SETD3: variants seen among roughly 807,000 people sequenced by gnomAD.
SETD3 encodes the protein SET domain containing 3, actin N3(tau)-histidine methyltransferase.
In SETD3, 19 loss-of-function variants were observed where a neutral mutation model predicts 63.0. The ratio of observed to expected loss-of-function variants is 0.30; its 90% CI spans 0.21 to 0.44. SETD3 has a LOEUF of 0.44. Among genes scored for constraint, SETD3 ranks in the 20% least tolerant of loss-of-function variants. The pLI is 1.00. For synonymous variants in SETD3, 286 were observed against 264.1 expected (o/e 1.08, Z -0.80); for missense variants, 587 against 728.5 (o/e 0.81, Z 2.24).
intron 11 of SETD3, among the ~76,000 whole-genome samples, chr14:99,403,902 C>T (rs371629278): frequency 7.2e-5 from 11 of 152,234 alleles, no homozygotes; most frequent in East Asian, 1.9e-4. Flanking sequence ...ACTAGTGCCC[C>T]GTGAGTGAAA....
intron 6 of SETD3, among the ~76,000 whole-genome samples, chr14:99,421,750 A>G (rs891753537): frequency 6.6e-6 from 1 of 152,162 alleles, no homozygotes; most frequent in Non-Finnish European, 1.5e-5. Flanking sequence ...ACAGATGAGG[A>G]AACTGAGGGA....
chr14:99,434,740 G>A (rs1312535637), intron 6 of SETD3, among the ~76,000 whole-genome samples: 4 of 150,876 alleles, frequency 2.7e-5, no homozygotes, highest in Admixed American at 1.3e-4. Flanking sequence ...CCAGCTACTC[G>A]GGAGGCTAAG....
chr14:99,455,585 G>C (rs1239530455), intron 6 of SETD3, among the ~76,000 whole-genome samples: 1 of 152,178 alleles, frequency 6.6e-6, no homozygotes, highest in Non-Finnish European at 1.5e-5. Context: ...ATCAGCTAAC[G>C]AGAAGACATT....
intron 6 of SETD3, among the ~76,000 whole-genome samples, chr14:99,419,603 G>A (rs986112451): frequency 4.6e-5 from 7 of 151,738 alleles, no homozygotes; most frequent in African/African-American, 9.7e-5. Flanking sequence ...GTGAAACCCC[G>A]TCTCTACTAA....
At chr14:99,449,221 A>T (rs1894312616) in intron 6 of SETD3, among the ~76,000 whole-genome samples, 1 of 152,236 alleles carries the variant, frequency 6.6e-6, no homozygotes, top group South Asian at 2.1e-4. Flanking sequence ...ACACTACAGT[A>T]GTAACTATTA....
chr14:99,399,081 T>G lies in SETD3; in HGVS notation c.1383A>C (p.Ala461=). ...VLKNHDLSVR[A]KMAIKLRLGE... ...CTAAGCGCAATTTGATGGCCATTTT[T>G]GCACGAACAGAAAGATCGTGGTTTT... Residue 461 remains alanine, a synonymous_variant, in exon 13 of 13, where the codon GCA becomes GCC. Coordinates refer to ENST00000331768, the MANE Select transcript of SETD3 (RefSeq NM_032233.3). 6.2e-7 allele frequency: 1 copy of G among 1,614,150 alleles called. No homozygotes were observed. Among genetic ancestry groups the G allele is most frequent in the Non-Finnish European group, 8.5e-7 (1 of 1,180,016 alleles).
At chr14:99,447,853 C>T (rs1274862560) in intron 6 of SETD3, among the ~76,000 whole-genome samples, 1 of 152,188 alleles carries the variant, frequency 6.6e-6, no homozygotes, top group South Asian at 2.1e-4. Context: ...AATCCCAACA[C>T]AGAGTAAAAC....
chr14:99,443,294 T>C (rs999546690), intron 6 of SETD3, among the ~76,000 whole-genome samples: 2 of 133,496 alleles, frequency 1.5e-5, no homozygotes, highest in African/African-American at 6.0e-5. Flanking sequence ...GGAGTGTCAC[T>C]CTGTTGCCCA....
At chr14:99,434,596 C>T (rs1278428342) in intron 6 of SETD3, among the ~76,000 whole-genome samples, 4 of 152,030 alleles carry the variant, frequency 2.6e-5, no homozygotes, top group Non-Finnish European at 2.9e-5. Context: ...GCCTGTAATC[C>T]CAGCACTTTG....
intron 6 of SETD3, among the ~76,000 whole-genome samples, chr14:99,437,779 C>T (rs1451338995): frequency 1.3e-5 from 2 of 152,214 alleles, no homozygotes; most frequent in Non-Finnish European, 2.9e-5. Context: ...TAACTTGGCT[C>T]AACACTTCAG....
rs1566867517 is a variant in SETD3 at position 99,398,405 on chromosome 14, A to C, written c.*274T>G. On this transcript the variant is annotated 3_prime_UTR_variant, in exon 13 of 13. Coordinates refer to ENST00000331768, the MANE Select transcript of SETD3 (RefSeq NM_032233.3). ...CCAGGAAGAAAATACCTATACCCAC[A>C]ATAGGTCTGCAAAATCTCCCACAGG... 1.5e-5 allele frequency: 6 copies of C among 411,796 alleles called. No individual in the cohort carries two copies. Among genetic ancestry groups the C allele is most frequent in the Admixed American group, 8.0e-5 (2 of 24,970 alleles). 25.5% of individuals were successfully genotyped at this position (411,796 alleles called of 1,614,324 possible).
At chr14:99,455,544 G>A (rs1205133051) in intron 6 of SETD3, among the ~76,000 whole-genome samples, 1 of 152,130 alleles carries the variant, frequency 6.6e-6, no homozygotes, top group African/African-American at 2.4e-5. Flanking sequence ...CCTCACCACA[G>A]GATGCACTTA....
chr14:99,446,464 C>A (rs1427634416), intron 6 of SETD3, among the ~76,000 whole-genome samples: 1 of 152,190 alleles, frequency 6.6e-6, no homozygotes. Flanking sequence ...CCACAGCGGG[C>A]ATTGCCTAAC....
chr14:99,479,809 G>C (rs748635987), intron 1 of SETD3, among the ~76,000 whole-genome samples: 1 of 152,208 alleles, frequency 6.6e-6, no homozygotes, highest in Admixed American at 6.5e-5. Flanking sequence ...TATTTATTTA[G>C]AAAAGCAAAA....
chr14:99,415,493 T>A (rs759049970), intron 6 of SETD3, among the ~76,000 whole-genome samples: 4 of 152,128 alleles, frequency 2.6e-5, no homozygotes, highest in Non-Finnish European at 5.9e-5. Context: ...GTGATCTCCA[T>A]CAAGAGATGG....
chr14:99,438,905 G>T (rs1048778227), intron 6 of SETD3, among the ~76,000 whole-genome samples: 1 of 152,182 alleles, frequency 6.6e-6, no homozygotes, highest in African/African-American at 2.4e-5. Flanking sequence ...ATAGGAAGGT[G>T]CTCACATCCA....
At chr14:99,464,587 C>T (rs540088714) in intron 2 of SETD3, among the ~76,000 whole-genome samples, 2 of 152,298 alleles carry the variant, frequency 1.3e-5, no homozygotes, top group Non-Finnish European at 1.5e-5. Flanking sequence ...TCGAGAGGGA[C>T]CTGACTCCAA....
chr14:99,431,555 G>C (rs1381810157), intron 6 of SETD3, among the ~76,000 whole-genome samples: 5 of 151,804 alleles, frequency 3.3e-5, no homozygotes, highest in Non-Finnish European at 7.4e-5. Flanking sequence ...GCAGTGGCGC[G>C]ATCTCAGCTC....
chr14:99,461,597 T>C (rs1895065557), intron 3 of SETD3, among the ~76,000 whole-genome samples: 1 of 152,212 alleles, frequency 6.6e-6, no homozygotes, highest in African/African-American at 2.4e-5. Context: ...TATTGACTAT[T>C]AGGTACTATT....
Sources: allele counts gnomAD v4.1 joint callset (sites outside exome capture counted in the v4.1 genomes callset), GRCh38; gene constraint gnomAD v4.1.1; transcripts MANE v1.5; gene names NCBI Gene and HGNC (gene_info 2026-07-23, HGNC 2026-07-21).